The following NUP93 variants were observed in gnomAD, a reference collection of about 807,000 sequenced individuals.
NUP93 encodes nuclear pore complex protein Nup93.
A neutral mutation model predicts 107.8 loss-of-function variants in NUP93; 55 were observed. The observed-to-expected ratio is 0.51, with a 90% confidence interval of 0.41 to 0.64. The LOEUF is 0.64. Ranked by LOEUF, NUP93 falls within the 30% of genes least tolerant of loss-of-function variation. The pLI is 0.00. For synonymous variants in NUP93, 390 were observed against 397.5 expected, an observed-to-expected ratio of 0.98 and a Z score of 0.22; for missense variants, 937 against 1,044.7, an observed-to-expected ratio of 0.90 and a Z score of 1.42.
intron 2 of NUP93, among the ~76,000 whole-genome samples, chr16:56,752,364 A>G (rs1376153568): frequency 1.3e-5 from 2 of 152,198 alleles, no homozygotes; most frequent in Non-Finnish European, 2.9e-5. Context: ...TGACTAGTGG[A>G]ATAATGTAGT....
chr16:56,795,057 C>T (rs543850116), intron 3 of NUP93, among the ~76,000 whole-genome samples: 41 of 151,816 alleles, frequency 2.7e-4, no homozygotes, highest in African/African-American at 9.7e-4. Flanking sequence ...CCCTCCCCTC[C>T]CCACAACCAA....
rs1489059746 is a variant in NUP93, at chr16:56,848,920, G to A, written c.*4311G>A. On this transcript the variant is annotated 3_prime_UTR_variant, in exon 22 of 22. Transcript: ENST00000308159. ...TTTTGTCCAGGATCACCTAAGTGAA[G>A]TACTCGTGGTTCTAAGTTGCTAACC... is the stretch of plus-strand genomic sequence containing the variant. 11 of 152,108 alleles carry A rather than the reference G, an allele frequency of 7.2e-5. No individual in the cohort carries two copies. Among genetic ancestry groups the A allele is most frequent in the African/African-American group, 1.7e-4 (7 of 41,446 alleles). The allele number at this position is 152,108 out of a possible 1,614,324, so 9.4% of individuals were successfully genotyped here.
intron 1 of NUP93, among the ~76,000 whole-genome samples, chr16:56,731,464 A>G (rs1346861655): frequency 6.8e-6 from 1 of 147,358 alleles, no homozygotes; most frequent in Non-Finnish European, 1.5e-5. Context: ...CAGTGGTGCG[A>G]TCTCGTGTCA....
At chr16:56,785,379 T>C (rs1406380995) in intron 3 of NUP93, among the ~76,000 whole-genome samples, 4 of 152,190 alleles carry the variant, frequency 2.6e-5, no homozygotes, top group Non-Finnish European at 5.9e-5. Context: ...CACCATGGTC[T>C]ACTCAAGTTT....
At chr16:56,805,816 C>T (rs1963125595) in intron 5 of NUP93, 184 bp downstream of exon 5, 1 of 619,786 alleles carries the variant, frequency 1.6e-6, no homozygotes, top group East Asian at 3.1e-5. Flanking sequence ...TGCTTCGTCT[C>T]AGTCTCCTTT....
intron 3 of NUP93, among the ~76,000 whole-genome samples, chr16:56,797,288 G>A (rs1962922109): frequency 6.6e-6 from 1 of 152,210 alleles, no homozygotes; most frequent in Non-Finnish European, 1.5e-5. Flanking sequence ...CACCAGTAGT[G>A]ACATGCTTGT....
intron 18 of NUP93, among the ~76,000 whole-genome samples, chr16:56,838,114 A>T (rs1963950752): frequency 6.6e-6 from 1 of 152,198 alleles, no homozygotes; most frequent in African/African-American, 2.4e-5. Flanking sequence ...TGTCGTGGCC[A>T]GTGTTTCAGA....
chr16:56,753,051 A>G (rs576887770), intron 2 of NUP93, among the ~76,000 whole-genome samples: 2 of 152,322 alleles, frequency 1.3e-5, no homozygotes, highest in South Asian at 2.1e-4. Context: ...CATATCAAAT[A>G]TGTTTAAAAT....
chr16:56,739,035 A>G (rs1244147665), intron 1 of NUP93, among the ~76,000 whole-genome samples: 1 of 150,114 alleles, frequency 6.7e-6, no homozygotes, highest in African/African-American at 2.5e-5. Context: ...GTTGGGGGTA[A>G]GGTCACAGAT....
chr16:56,753,644 A>G (rs1181806666), intron 2 of NUP93, among the ~76,000 whole-genome samples: 1 of 152,162 alleles, frequency 6.6e-6, no homozygotes, highest in Non-Finnish European at 1.5e-5. Context: ...TTGTCATCAC[A>G]TGTGCATTTA....
chr16:56,750,385 T>C (rs1246220061), intron 2 of NUP93, among the ~76,000 whole-genome samples: 1 of 152,166 alleles, frequency 6.6e-6, no homozygotes, highest in Non-Finnish European at 1.5e-5. Flanking sequence ...GTAGGAAAAA[T>C]TTTCTTACAT....
intron 5 of NUP93, among the ~76,000 whole-genome samples, chr16:56,818,018 G>A (rs1963468935): frequency 6.6e-6 from 1 of 152,178 alleles, no homozygotes; most frequent in Admixed American, 6.5e-5. Flanking sequence ...TCTTCAGATT[G>A]TAAGCTCTTT....
At chr16:56,731,723 C>T (rs896509635) in intron 1 of NUP93, among the ~76,000 whole-genome samples, 1 of 152,140 alleles carries the variant, frequency 6.6e-6, no homozygotes, top group Admixed American at 6.5e-5. Context: ...CTGTTTTTCA[C>T]GCCACAAATA....
At chr16:56,796,214 G>A (rs992967582) in intron 3 of NUP93, among the ~76,000 whole-genome samples, 3 of 152,158 alleles carry the variant, frequency 2.0e-5, no homozygotes, top group Non-Finnish European at 1.5e-5. Context: ...TTTGGTCAAG[G>A]ACAAACCCAA....
chr16:56,775,371 TAATC>T (rs1952519497), intron 3 of NUP93, among the ~76,000 whole-genome samples: 1 of 152,246 alleles, frequency 6.6e-6, no homozygotes, highest in African/African-American at 2.4e-5. Flanking sequence ...ATTTATAGGT[TAATC>T]AGTCATGTTG....
Position 56,831,958 on chromosome 16 carries a change from A to C in NUP93, c.1202A>C (p.Asp401Ala). 1 of 1,614,152 alleles carries C rather than the reference A, an allele frequency of 6.2e-7. No individual in the cohort carries two copies. Among genetic ancestry groups the C allele is most frequent in the Non-Finnish European group, 8.5e-7 (1 of 1,180,030 alleles). Reference sequence around the variant, plus strand: ...ATCATTGGCAGATGTGACGTCACCGACAACCAGAGTGAAGTGGCGGACAAA... The same window carrying C: ...ATCATTGGCAGATGTGACGTCACCGCCAACCAGAGTGAAGTGGCGGACAAA... ...YCIIGRCDVT[D>A]NQSEVADKTE... The change falls in exon 11 of 22, where the codon GAC becomes GCC. Residue 401 changes from aspartate (D) to alanine (A), a missense_variant. Transcript: ENST00000308159.
chr16:56,840,041 G>A (rs374334601), intron 20 of NUP93: 29 of 176,172 alleles, frequency 1.6e-4, no homozygotes, highest in Middle Eastern at 2.6e-3. Flanking sequence ...TTTTTGAAAC[G>A]GAGGAGTCTC....
chr16:56,778,495 C>T (rs184437624), intron 3 of NUP93, among the ~76,000 whole-genome samples: 9 of 152,262 alleles, frequency 5.9e-5, no homozygotes, highest in Admixed American at 2.0e-4. Flanking sequence ...TGCTAGATGA[C>T]ATTCAGAGGC....
chr16:56,755,710 A>T (rs961418136), intron 2 of NUP93, among the ~76,000 whole-genome samples: 2 of 152,066 alleles, frequency 1.3e-5, no homozygotes, highest in Non-Finnish European at 2.9e-5. Context: ...CCCTGTCTCT[A>T]GTGAAAATAC....
Sources: gnomAD v4.1 joint callset for allele counts (sites outside exome capture counted in the v4.1 genomes callset) on GRCh38, gnomAD v4.1.1 for gene constraint, MANE v1.5 for transcripts, NCBI Gene and HGNC (gene_info 2026-07-23, HGNC 2026-07-21) for gene names.